The following CASP14 variants were observed in gnomAD, a reference collection of about 807,000 sequenced individuals.
CASP14 encodes caspase-14.
CASP14 carries 27 observed loss-of-function variants against 28.4 expected under a neutral mutation model. The ratio of observed to expected loss-of-function variants is 0.95; its 90% CI spans 0.70 to 1.31. The LOEUF (loss-of-function observed/expected upper bound fraction) is 1.31. Among genes scored for constraint, CASP14 ranks in the 50% most tolerant of loss-of-function variants. The pLI is 0.00. For missense variants in CASP14, 323 were observed against 312.8 expected, an observed-to-expected ratio of 1.03 and a Z score of -0.25; for synonymous variants, 115 against 118.6, an observed-to-expected ratio of 0.97 and a Z score of 0.20.
chr19:15,054,789 A>T (rs2366725), intron 4 of CASP14: 26 of 169,472 alleles, frequency 1.5e-4, no homozygotes, highest in South Asian at 4.4e-4. Flanking sequence ...TACAGGTGCA[A>T]GCCACCATGC....
At position 15,053,536 on chromosome 19, in the gene CASP14, G is replaced by T; in HGVS notation, c.82G>T (p.Ala28Ser). Residue 28 changes from alanine to serine, a missense_variant, in exon 3 of 7, where the codon GCC (alanine) becomes TCC (serine). Physicochemically the swap from Ala to Ser is moderately conservative, Grantham distance 99. Coordinates refer to ENST00000427043, the MANE Select transcript of CASP14 (RefSeq NM_012114.3). Reference protein sequence around the residue: ...RLALILCVTKAREGSEEDLDA... With the variant: ...RLALILCVTKSREGSEEDLDA... ...GGCCCTAATACTGTGTGTCACCAAA[G>T]CCCGGGAAGGTTCCGAAGAAGACCT... The T allele has an allele frequency of 6.2e-7, 1 of 1,614,138 alleles. No individual in the cohort carries two copies. Among genetic ancestry groups the T allele is most frequent in the East Asian group, 2.2e-5 (1 of 44,880 alleles).
chr19:15,050,905 G>A lies in CASP14; in HGVS notation c.-47+1260G>A, dbSNP rs142798019. 1.7e-4 allele frequency among the ~76,000 whole-genome samples: 26 copies of A among 152,084 alleles called. No homozygotes were observed. The East Asian group carries it at 4.8e-3, about 28-fold the overall frequency. On this transcript the variant is annotated intron_variant, in intron 1 of 6. Transcript: ENST00000427043. ...TGGTGGATGGGTTGATGAATAAAAG[G>A]ATGGATGTTAAATTGGATTGATGGA... is the stretch of plus-strand genomic sequence containing the variant.
Position 15,052,304 on chromosome 19 carries a change from G to C in CASP14, c.27+26G>C, listed in dbSNP as rs200118439. On this transcript the variant is annotated intron_variant, in intron 2 of 6. Coordinates refer to ENST00000427043, the MANE Select transcript of CASP14 (RefSeq NM_012114.3). ...GTAGGCTGGGTGCAGGTTGAGGGGAGGGTGATCATCTGGGGAGAAGGAAGG... is the reference window on the plus strand; with the variant it reads ...GTAGGCTGGGTGCAGGTTGAGGGGACGGTGATCATCTGGGGAGAAGGAAGG... 1.3e-4 allele frequency: 211 copies of C among 1,567,784 alleles called. 2 individuals are homozygous for C. The African/African-American group carries it at 2.8e-3, about 21-fold the overall frequency.
Position 15,053,512 on chromosome 19 carries a change from G to A in CASP14, c.58G>A (p.Ala20Thr), listed in dbSNP as rs1319630397. 6.2e-7 allele frequency: 1 copy of A among 1,614,070 alleles called. No homozygotes were observed. Among genetic ancestry groups the A allele is most frequent in the East Asian group, 2.2e-5 (1 of 44,880 alleles). Residue 20 changes from alanine to threonine, a missense_variant, in exon 3 of 7, where the codon GCC becomes ACC. Ala to Thr is a moderately conservative substitution (Grantham distance 58). Transcript: ENST00000427043. Reference sequence around the variant, plus strand: ...ATATGATATGTCAGGTGCCCGCCTGGCCCTAATACTGTGTGTCACCAAAGC... The same window carrying A: ...ATATGATATGTCAGGTGCCCGCCTGACCCTAATACTGTGTGTCACCAAAGC... The part of the protein sequence containing the change: ...EKYDMSGARL[A>T]LILCVTKARE...
chr19:15,052,241 C>T lies in CASP14; in HGVS notation c.-11C>T, dbSNP rs370925265. The T allele has an allele frequency of 8.8e-6, 14 of 1,586,774 alleles. No homozygotes were observed. The African/African-American group carries it at 1.4e-4, about 15-fold the overall frequency. On this transcript the variant is annotated 5_prime_UTR_variant, in exon 2 of 7. Transcript: ENST00000427043. Reference sequence around the variant, plus strand: ...GGGTGCTGAGAGCCGGGACTCACAACCAAAGGAGAAATGAGCAATCCGCGG... The same window carrying T: ...GGGTGCTGAGAGCCGGGACTCACAATCAAAGGAGAAATGAGCAATCCGCGG...
In CASP14 at chr19:15,053,884, A is replaced by G; in HGVS notation, c.329A>G (p.Glu110Gly). Residue 110 changes from glutamate (E) to glycine (G), a missense_variant, in exon 4 of 7, where the codon GAG becomes GGG. Physicochemically the swap from Glu to Gly is moderately conservative, Grantham distance 98. Transcript: ENST00000427043. The part of the protein sequence containing the change: ...GEMVKLENLF[E>G]ALNNKNCQAL... ...ATGGTCAAGCTGGAGAATCTCTTCG[A>G]GGCCCTGAACAACAAGAACTGCCAG... The G allele has an allele frequency of 3.1e-6, 5 of 1,614,140 alleles. No individual in the cohort carries two copies. The highest frequency in any genetic ancestry group is 4.2e-6 in the Non-Finnish European group (5 of 1,180,022).
Position 15,055,543 on chromosome 19 carries a change from C to T in CASP14, c.624+10C>T, listed in dbSNP as rs746803375. On this transcript the variant is annotated intron_variant, in intron 6 of 6. Coordinates refer to ENST00000427043, the MANE Select transcript of CASP14 (RefSeq NM_012114.3). ...GGAACTTCTGACAGAGGTGAGTTGA[C>T]AAAAGGTAGCTGGGACCACCGCCCA... 2 of 1,604,770 alleles carry T rather than the reference C, an allele frequency of 1.2e-6. No homozygotes were observed. The highest frequency in any genetic ancestry group is 2.7e-5 in the African/African-American group (2 of 74,688).
In CASP14 at chr19:15,058,256, A is replaced by C. The variant is rs1044190595; in HGVS notation, c.*2167A>C. 1.3e-5 allele frequency: 2 copies of C among 152,270 alleles called. No homozygotes were observed. The highest frequency in any genetic ancestry group is 2.4e-5 in the African/African-American group (1 of 41,464). The allele number at this position is 152,270 out of a possible 1,614,324, so 9.4% of individuals were successfully genotyped here. On this transcript the variant is annotated 3_prime_UTR_variant, in exon 7 of 7. Coordinates refer to ENST00000427043, the MANE Select transcript of CASP14 (RefSeq NM_012114.3). ...GGCAGGGAACAAGCCCTTAATCTGCATAATGAGTGTTCAATAAACAGTTGT... is the reference window on the plus strand; with the variant it reads ...GGCAGGGAACAAGCCCTTAATCTGCCTAATGAGTGTTCAATAAACAGTTGT...
In CASP14 at chr19:15,056,301, C is replaced by T; in HGVS notation, c.*212C>T. 2.1e-6 allele frequency: 1 copy of T among 470,276 alleles called. No individual in the cohort carries two copies. The highest frequency in any genetic ancestry group is 3.3e-5 in the Admixed American group (1 of 29,930). 29.1% of individuals were successfully genotyped at this position (470,276 alleles called of 1,614,324 possible). A position where few individuals can be genotyped will look rare whatever the true frequency, so the allele number is the denominator to read the frequency against. ...CAAGGCATGGTGGCAACATTAACAT[C>T]ACCTCCCTCAGGCTGGACTTTCTAT... On this transcript the variant is annotated 3_prime_UTR_variant, in exon 7 of 7. Coordinates refer to ENST00000427043, the MANE Select transcript of CASP14 (RefSeq NM_012114.3).
chr19:15,049,971 C>A (rs906159575), intron 1 of CASP14, among the ~76,000 whole-genome samples: 1 of 152,074 alleles, frequency 6.6e-6, no homozygotes, highest in African/African-American at 2.4e-5. Context: ...GCTGCCAGTT[C>A]AGCCATGAGA....
Position 15,058,035 on chromosome 19 carries a change from A to C in CASP14, c.*1946A>C, listed in dbSNP as rs1325840925. ...TGAATTCACTCTTTCAAAAAGGCTAATGTCTTCTTACTCACCCTTGCCTCT... is the reference window on the plus strand; with the variant it reads ...TGAATTCACTCTTTCAAAAAGGCTACTGTCTTCTTACTCACCCTTGCCTCT... On this transcript the variant is annotated 3_prime_UTR_variant, in exon 7 of 7. Coordinates refer to ENST00000427043, the MANE Select transcript of CASP14 (RefSeq NM_012114.3). The C allele has an allele frequency of 3.3e-5, 5 of 152,158 alleles. No individual in the cohort carries two copies. The highest frequency in any genetic ancestry group is 3.3e-4 in the Admixed American group (5 of 15,254). 9.4% of individuals were successfully genotyped at this position (152,158 alleles called of 1,614,324 possible).
At chr19:15,052,671 A>G (rs1193754304) in intron 2 of CASP14, among the ~76,000 whole-genome samples, 1 of 152,200 alleles carries the variant, frequency 6.6e-6, no homozygotes, top group East Asian at 1.9e-4. Flanking sequence ...GGATCTCAGT[A>G]TTAGCTTCAG....
At position 15,056,129 on chromosome 19, in the gene CASP14, T is replaced by C. The variant is rs1337473812; in HGVS notation, c.*40T>C. 3 of 1,485,942 alleles carry C rather than the reference T, an allele frequency of 2.0e-6. No homozygotes were observed. Among genetic ancestry groups the C allele is most frequent in the Non-Finnish European group, 2.8e-6 (3 of 1,087,206 alleles). The allele number at this position is 1,485,942 out of a possible 1,614,324, so 92.0% of individuals were successfully genotyped here. A position where few individuals can be genotyped will look rare whatever the true frequency, so the allele number is the denominator to read the frequency against. ...GGAGGAGCTTTCCTTCCAGCATTCT[T>C]TCTGTCTCACAGAAATTTAGAGGCA... On this transcript the variant is annotated 3_prime_UTR_variant, in exon 7 of 7. Transcript: ENST00000427043.
intron 1 of CASP14, among the ~76,000 whole-genome samples, chr19:15,049,977 T>C (rs2046082152): frequency 6.6e-6 from 1 of 151,938 alleles, no homozygotes; most frequent in South Asian, 2.1e-4. Context: ...AGTTCAGCCA[T>C]GAGAGTAAGA....
In CASP14 at chr19:15,053,549, C is replaced by G. The variant is rs1343606759; in HGVS notation, c.95C>G (p.Ser32Cys). The stretch of plus-strand genomic sequence containing the variant: ...TGTGTCACCAAAGCCCGGGAAGGTT[C>G]CGAAGAAGACCTGGATGCTCTGGAA... The part of the protein sequence containing the change: ...ILCVTKAREG[S>C]EEDLDALEHM... The change falls in exon 3 of 7, where the codon TCC becomes TGC. Residue 32 changes from serine (S) to cysteine (C), a missense_variant. By Grantham distance (112) the Ser-to-Cys change is moderately radical. Transcript: ENST00000427043. The G allele has an allele frequency of 1.9e-6, 3 of 1,614,120 alleles. No homozygotes were observed. The African/African-American group carries it at 4.0e-5, about 22-fold the overall frequency.
chr19:15,053,836 TC>T lies in CASP14; in HGVS notation c.283del (p.Leu95SerfsTer18), dbSNP rs1407135913. The T allele has an allele frequency of 6.2e-7, 1 of 1,614,090 alleles. No homozygotes were observed. Among genetic ancestry groups the T allele is most frequent in the African/African-American group, 1.3e-5 (1 of 75,008 alleles). ...CTCATGGCTCACGGGAGGGAAGGCT[TC>T]CTCAAGGGAGAAGATGGGGAGATGG... ...VVLMAHGREG[F>X]LKGEDGEMVK... is the part of the protein sequence containing the mutation. On this transcript the variant is annotated frameshift_variant, in exon 4 of 7. Coordinates refer to ENST00000427043, the MANE Select transcript of CASP14 (RefSeq NM_012114.3). LOFTEE classifies it high-confidence loss of function.
rs3181308 is a variant in CASP14, at chr19:15,053,309, T to C, written c.28-173T>C. ...TTTTTGTAGAGACAGAGTCTCACTA[T>C]GTTGCCCAGGCTGGTCTCGAACTCT... is the stretch of plus-strand genomic sequence containing the variant. On this transcript the variant is annotated intron_variant, in intron 2 of 6. Coordinates refer to ENST00000427043, the MANE Select transcript of CASP14 (RefSeq NM_012114.3). Among the ~76,000 whole-genome samples the C allele has an allele frequency of 0.065, 9,859 of 152,150 alleles. 833 individuals are homozygous for C. Among genetic ancestry groups the C allele is most frequent in the African/African-American group, 0.2 (8,221 of 41,452 alleles).
chr19:15,056,968 C>T lies in CASP14; in HGVS notation c.*879C>T, dbSNP rs1160714819. 1 of 152,170 alleles carries T rather than the reference C, an allele frequency of 6.6e-6. No individual in the cohort carries two copies. The highest frequency in any genetic ancestry group is 1.5e-5 in the Non-Finnish European group (1 of 68,028). 9.4% of individuals were successfully genotyped at this position (152,170 alleles called of 1,614,324 possible). ...TTGACTTCCAGCCCAGCCTCTTTTC[C>T]ACAACCTGCTAAATCCTGATCCATC... is the stretch of plus-strand genomic sequence containing the variant. On this transcript the variant is annotated 3_prime_UTR_variant, in exon 7 of 7. Coordinates refer to ENST00000427043, the MANE Select transcript of CASP14 (RefSeq NM_012114.3).
Position 15,055,040 on chromosome 19 carries a change from A to C in CASP14, c.404-118A>C. ...CTGCAGCCTCAAGCTCCCAGGTTCA[A>C]GTGATCCTCCTGCTTCAGCCCCCCA... On this transcript the variant is annotated intron_variant, in intron 4 of 6. Transcript: ENST00000427043. 6.8e-6 allele frequency: 5 copies of C among 737,436 alleles called. No individual in the cohort carries two copies. The South Asian group carries it at 8.0e-5, about 12-fold the overall frequency. 45.7% of individuals were successfully genotyped at this position (737,436 alleles called of 1,614,324 possible).
Sources: gnomAD v4.1 joint callset for allele counts (sites outside exome capture counted in the v4.1 genomes callset) on GRCh38, gnomAD v4.1.1 for gene constraint, MANE v1.5 for transcripts, NCBI Gene and HGNC (gene_info 2026-07-23, HGNC 2026-07-21) for gene names.